The following CIMIP3 variants were observed in gnomAD, a reference collection of about 807,000 sequenced individuals.
CIMIP3 encodes GUCA1A neighbor.
At chr6:42,162,379 T>C in the CIMIP3 span, among the ~76,000 whole-genome samples, 48 of 149,930 alleles carry the variant, frequency 3.2e-4, no homozygotes, top group South Asian at 1.9e-3. Context: ...CGTGCCATTG[T>C]ACTCCAGCCT....
the CIMIP3 span, among the ~76,000 whole-genome samples, chr6:42,160,026 C>A: frequency 6.6e-6 from 1 of 152,160 alleles, no homozygotes; most frequent in Non-Finnish European, 1.5e-5. Flanking sequence ...TGCTCTGTCA[C>A]CCAGGCTGGA....
chr6:42,155,667 C>G, the CIMIP3 span: 2 of 715,950 alleles, frequency 2.8e-6, no homozygotes, highest in Non-Finnish European at 5.2e-6. Flanking sequence ...CCCCAGCTGT[C>G]GGACCTCTGC....
At chr6:42,163,022 C>G in the CIMIP3 span, 2 of 717,288 alleles carry the variant, frequency 2.8e-6, no homozygotes, top group Non-Finnish European at 5.2e-6. Context: ...GAAGCAGGAC[C>G]TCGAGCAGTC....
At chr6:42,160,590 T>C in the CIMIP3 span, among the ~76,000 whole-genome samples, 1 of 152,292 alleles carries the variant, frequency 6.6e-6, no homozygotes, top group South Asian at 2.1e-4. Context: ...GGACTCTGAA[T>C]GACAACTTCT....
At chr6:42,157,283 A>T in the CIMIP3 span, among the ~76,000 whole-genome samples, 1 of 152,024 alleles carries the variant, frequency 6.6e-6, no homozygotes, top group East Asian at 1.9e-4. Flanking sequence ...CTTAGGCTGG[A>T]GTGCATTGGC....
At chr6:42,160,115 G>T in the CIMIP3 span, among the ~76,000 whole-genome samples, 9 of 152,022 alleles carry the variant, frequency 5.9e-5, no homozygotes, top group African/African-American at 2.2e-4. Context: ...CCTCCTGAGT[G>T]GCTAGGACCA....
At chr6:42,155,704 G>T in the CIMIP3 span, 1 of 706,036 alleles carries the variant, frequency 1.4e-6, no homozygotes, top group Non-Finnish European at 2.6e-6. Context: ...TGGAGAGAGG[G>T]AACAGGACAC....
chr6:42,156,007 A>G, the CIMIP3 span, among the ~76,000 whole-genome samples: 2 of 149,634 alleles, frequency 1.3e-5, no homozygotes, highest in Non-Finnish European at 1.5e-5. Context: ...AATTCTATTT[A>G]TTTTTTTTTT....
the CIMIP3 span, among the ~76,000 whole-genome samples, chr6:42,161,016 C>A: frequency 6.6e-6 from 1 of 151,972 alleles, no homozygotes; most frequent in Admixed American, 6.6e-5. Flanking sequence ...TGGAGAAAAC[C>A]CATCTCTACT....
the CIMIP3 span, among the ~76,000 whole-genome samples, chr6:42,160,911 G>A: frequency 1.3e-5 from 2 of 152,218 alleles, no homozygotes; most frequent in Non-Finnish European, 2.9e-5. Flanking sequence ...AGAGGAGGCC[G>A]GGTGAAGTGG....
At chr6:42,156,733 C>A in the CIMIP3 span, among the ~76,000 whole-genome samples, 2 of 152,352 alleles carry the variant, frequency 1.3e-5, no homozygotes, top group East Asian at 3.9e-4. Flanking sequence ...GCCTTATTAT[C>A]CCCATTTTGC....
At chr6:42,162,402 C>T in the CIMIP3 span, among the ~76,000 whole-genome samples, 10 of 123,762 alleles carry the variant, frequency 8.1e-5, no homozygotes, top group African/African-American at 2.1e-4. Flanking sequence ...GCAACAAGAG[C>T]GAAACTCTTT....
chr6:42,155,441 G>C, the CIMIP3 span: 1 of 673,434 alleles, frequency 1.5e-6, no homozygotes, highest in East Asian at 2.7e-5. Flanking sequence ...ACCACCAGAA[G>C]TTCCACCTCA....
chr6:42,159,943 C>T, the CIMIP3 span, among the ~76,000 whole-genome samples: 2 of 152,150 alleles, frequency 1.3e-5, no homozygotes, highest in African/African-American at 4.8e-5. Flanking sequence ...AGAGGTAATC[C>T]ACTGACAGGG....
At chr6:42,158,640 T>C in the CIMIP3 span, among the ~76,000 whole-genome samples, 1 of 152,232 alleles carries the variant, frequency 6.6e-6, no homozygotes, top group South Asian at 2.1e-4. Flanking sequence ...TTCTACAAAC[T>C]GTGAACTCAG....
chr6:42,163,096 G>A, the CIMIP3 span: 1 of 714,816 alleles, frequency 1.4e-6, no homozygotes, highest in African/African-American at 1.8e-5. Flanking sequence ...ACAAGCTCAG[G>A]TTCAATTTCT....
chr6:42,161,225 C>A, the CIMIP3 span, among the ~76,000 whole-genome samples: 4 of 152,106 alleles, frequency 2.6e-5, no homozygotes, highest in Non-Finnish European at 5.9e-5. Context: ...AGAGGAAATA[C>A]ATCATGATTT....
chr6:42,162,525 G>A, the CIMIP3 span, among the ~76,000 whole-genome samples: 1 of 151,214 alleles, frequency 6.6e-6, no homozygotes, highest in African/African-American at 2.4e-5. Flanking sequence ...GGGCCCCACA[G>A]GATAGAGAGG....
chr6:42,159,437 C>G, the CIMIP3 span, among the ~76,000 whole-genome samples: 1 of 152,216 alleles, frequency 6.6e-6, no homozygotes, highest in Non-Finnish European at 1.5e-5. Flanking sequence ...ACGAATGAAG[C>G]AACTCATGTC....
Sources: allele counts gnomAD v4.1 joint callset (sites outside exome capture counted in the v4.1 genomes callset), GRCh38; gene constraint gnomAD v4.1.1; transcripts MANE v1.5; gene names NCBI Gene and HGNC (gene_info 2026-07-23, HGNC 2026-07-21).